Variants in CFAP46 observed in about 807,000 individuals in gnomAD.
CFAP46 encodes cilia- and flagella-associated protein 46.
A neutral mutation model predicts 325.7 loss-of-function variants in CFAP46; 245 were observed. That is an observed-to-expected ratio of 0.75 (90% CI 0.68 to 0.84). CFAP46 has a LOEUF of 0.84. Among genes scored for constraint, CFAP46 ranks in the 40% least tolerant of loss-of-function variants. CFAP46 has a pLI of 0.00. For synonymous variants in CFAP46, 1,523 were observed against 1,495.9 expected (o/e 1.02, Z -0.42); for missense variants, 3,346 against 3,543.0 (o/e 0.94, Z 1.41).
intron 22 of CFAP46, among the ~76,000 whole-genome samples, chr10:132,903,549 CCCACTTCCGATATTT>C (rs1471721470): frequency 6.6e-6 from 1 of 152,222 alleles, no homozygotes; most frequent in African/African-American, 2.4e-5. Context: ...GAATGCGGAG[CCCACTTCCGATATTT>C]CCTTCTAGCA....
At position 132,860,979 on chromosome 10, in the gene CFAP46, G is replaced by C; in HGVS notation, c.4894C>G (p.Leu1632Val). 1 of 1,550,570 alleles carries C rather than the reference G, an allele frequency of 6.4e-7. No homozygotes were observed. The highest frequency in any genetic ancestry group is 2.4e-5 in the East Asian group (1 of 40,928). The change falls in exon 36 of 58, where the codon CTG becomes GTG. Residue 1632 changes from leucine (L) to valine (V), a missense_variant. Coordinates refer to ENST00000368586, the MANE Select transcript of CFAP46 (RefSeq NM_001200049.3). ...LSEAYLAFQE[L>V]DEPCAEAQCL... ...TGGGCCTCTGCACAAGGCTCATCCA[G>C]CTCCTGAAGGAGAGAAACTCAGACA...
chr10:132,867,479 CT>C lies in CFAP46; in HGVS notation c.4638del (p.Glu1547ArgfsTer8), dbSNP rs1564784739. 1 of 1,550,314 alleles carries C rather than the reference CT, an allele frequency of 6.5e-7. No individual in the cohort carries two copies. The highest frequency in any genetic ancestry group is 8.7e-7 in the Non-Finnish European group (1 of 1,146,956). On this transcript the variant is annotated frameshift_variant, in exon 34 of 58. Transcript: ENST00000368586. LOFTEE classifies it high-confidence loss of function. Reference sequence around the variant, plus strand: ...TCTAATAAAGGCTCCTTATTTTTCTCTTTTTTCAACGCGATCTCTTTTCTGC... The same window carrying C: ...TCTAATAAAGGCTCCTTATTTTTCTCTTTTTCAACGCGATCTCTTTTCTGC... ...ASCRKEIALK[K>X]EKNKEPLLEE...
intron 44 of CFAP46, among the ~76,000 whole-genome samples, chr10:132,844,253 G>A (rs1376959725): frequency 1.3e-5 from 2 of 152,064 alleles, no homozygotes; most frequent in Non-Finnish European, 2.9e-5. Flanking sequence ...GCAGCGCAGT[G>A]ACCTCTCCTG....
chr10:132,848,932 G>C (rs1554878086), intron 41 of CFAP46, among the ~76,000 whole-genome samples: 1 of 143,580 alleles, frequency 7.0e-6, no homozygotes, highest in Admixed American at 6.8e-5. Context: ...AGACTAAAAC[G>C]GGGGTTAGAG....
chr10:132,853,484 G>C (rs1406716841), intron 39 of CFAP46, among the ~76,000 whole-genome samples: 5 of 152,120 alleles, frequency 3.3e-5, no homozygotes, highest in South Asian at 2.1e-4. Flanking sequence ...TTTTGTTGTT[G>C]TTAATGTTTT....
intron 35 of CFAP46, among the ~76,000 whole-genome samples, chr10:132,864,742 G>C: frequency 9.3e-6 from 1 of 107,092 alleles, no homozygotes; most frequent in African/African-American, 4.0e-5. Context: ...CCTGAGACCT[G>C]CACACTCCTC....
intron 46 of CFAP46, among the ~76,000 whole-genome samples, chr10:132,835,797 G>A (rs1390554738): frequency 2.0e-5 from 3 of 151,870 alleles, no homozygotes; most frequent in Non-Finnish European, 2.9e-5. Context: ...GAAAGGGCCC[G>A]TGTGCAGGGA....
intron 44 of CFAP46, among the ~76,000 whole-genome samples, chr10:132,843,083 C>A (rs147310414): frequency 6.6e-6 from 1 of 152,366 alleles, no homozygotes; most frequent in Non-Finnish European, 1.5e-5. Flanking sequence ...GTCTTTTCTT[C>A]AGTCTGTTTC....
intron 40 of CFAP46, 87 bp from the exon 41 acceptor site, chr10:132,850,519 G>A: frequency 1.5e-6 from 2 of 1,311,788 alleles, no homozygotes; most frequent in Non-Finnish European, 2.0e-6. Flanking sequence ...GCCCTCTGCT[G>A]TGCCCTGTGG....
intron 19 of CFAP46, among the ~76,000 whole-genome samples, chr10:132,911,458 C>G (rs948075509): frequency 6.6e-6 from 1 of 152,208 alleles, no homozygotes; most frequent in African/African-American, 2.4e-5. Flanking sequence ...ACAGCTCCCC[C>G]GCCCCGTGCC....
chr10:132,837,810 C>T (rs1313009160), intron 44 of CFAP46, among the ~76,000 whole-genome samples: 3 of 150,612 alleles, frequency 2.0e-5, no homozygotes, highest in South Asian at 2.1e-4. Flanking sequence ...CACATGCACA[C>T]GTACACAGAT....
rs1200644772 is a variant in CFAP46 at position 132,879,450 on chromosome 10, G to A, written c.3981C>T (p.Tyr1327=). 15 of 1,535,654 alleles carry A rather than the reference G, an allele frequency of 9.8e-6. No homozygotes were observed. Among genetic ancestry groups the A allele is most frequent in the East Asian group, 2.5e-5 (1 of 40,546 alleles). Residue 1327 remains tyrosine, a synonymous_variant, in exon 29 of 58, where the codon TAC becomes TAT. Coordinates refer to ENST00000368586, the MANE Select transcript of CFAP46 (RefSeq NM_001200049.3). ...EGYEDCCLAA[Y]AFFRHIWQVS... is the part of the protein sequence containing the mutation. The stretch of plus-strand genomic sequence containing the variant: ...CCTGCCAGATGTGCCTGAAGAAGGC[G>A]TAGGCTGCAAGGCAGCAGTCCTCGT...
chr10:132,890,261 G>C (rs555332419), intron 25 of CFAP46, among the ~76,000 whole-genome samples: 1 of 152,176 alleles, frequency 6.6e-6, no homozygotes, highest in African/African-American at 2.4e-5. Flanking sequence ...TACTGAAGGG[G>C]TCTGGGCTGC....
chr10:132,836,092 A>T (rs371701133), intron 46 of CFAP46, 50 bp downstream of exon 46: 1 of 1,241,516 alleles, frequency 8.1e-7, no homozygotes, highest in South Asian at 1.2e-5. Flanking sequence ...ACTCTCGCCC[A>T]TGCTCCGCCT....
intron 38 of CFAP46, among the ~76,000 whole-genome samples, chr10:132,858,476 G>A (rs546100011): frequency 4.6e-5 from 7 of 151,402 alleles, no homozygotes; most frequent in African/African-American, 1.5e-4. Flanking sequence ...GGCTGTGGGC[G>A]GGGCCAGGGA....
At chr10:132,935,519 A>T (rs1308605409) in intron 7 of CFAP46, among the ~76,000 whole-genome samples, 112 of 85,544 alleles carry the variant, frequency 1.3e-3, no homozygotes, top group Admixed American at 2.0e-3. Context: ...GCACCCAAAC[A>T]CACTGTGATC....
chr10:132,942,404 C>T (rs974038353), intron 1 of CFAP46, 32 bp downstream of exon 1: 36 of 1,353,732 alleles, frequency 2.7e-5, no homozygotes, highest in Non-Finnish European at 3.2e-5. Flanking sequence ...GGGGCCTCCC[C>T]GGGGCGGGGG....
At chr10:132,820,807 CTG>C (rs1847787841) in intron 50 of CFAP46, among the ~76,000 whole-genome samples, 1 of 129,120 alleles carries the variant, frequency 7.7e-6, no homozygotes, top group Non-Finnish European at 1.6e-5. Context: ...CTGATGTGTG[CTG>C]TGTGTGCTGA....
In CFAP46 at chr10:132,814,329, G is replaced by A. The variant is rs557973386; in HGVS notation, c.7286-75C>T. ...GGTGTGCAGGGCCGGGGTCCCTGGG[G>A]AGGGGTCACAGCGAATGCAGGCGCA... On this transcript the variant is annotated intron_variant, in intron 53 of 57. Transcript: ENST00000368586. The A allele has an allele frequency of 7.7e-6, 10 of 1,295,888 alleles. No individual in the cohort carries two copies. In the South Asian group the frequency reaches 1.2e-4, roughly 16 times the overall value. The allele number at this position is 1,295,888 out of a possible 1,614,324, so 80.3% of individuals were successfully genotyped here.
Sources: allele counts gnomAD v4.1 joint callset (sites outside exome capture counted in the v4.1 genomes callset), GRCh38; gene constraint gnomAD v4.1.1; transcripts MANE v1.5; gene names NCBI Gene and HGNC (gene_info 2026-07-23, HGNC 2026-07-21).